Variants in ATP13A4 observed in about 807,000 individuals in gnomAD.
ATP13A4 encodes probable cation-transporting ATPase 13A4.
ATP13A4 carries 114 observed loss-of-function variants against 142.5 expected under a neutral mutation model. The observed-to-expected ratio is 0.80, with a 90% confidence interval of 0.69 to 0.93. The LOEUF (loss-of-function observed/expected upper bound fraction) is 0.93. Ranked by LOEUF, ATP13A4 falls within the 40% of genes least tolerant of loss-of-function variation. The pLI is 0.00. For missense variants in ATP13A4, 1,392 were observed against 1,454.0 expected, an observed-to-expected ratio of 0.96 and a Z score of 0.69; for synonymous variants, 488 against 514.8, an observed-to-expected ratio of 0.95 and a Z score of 0.70.
At chr3:193,425,118 C>T (rs1205941922) in intron 25 of ATP13A4, among the ~76,000 whole-genome samples, 1 of 136,252 alleles carries the variant, frequency 7.3e-6, no homozygotes, top group Non-Finnish European at 1.6e-5. Flanking sequence ...AAATGTTCAA[C>T]ATCATTAATA....
intron 1 of ATP13A4, among the ~76,000 whole-genome samples, chr3:193,552,561 A>G (rs1172148982): frequency 1.3e-5 from 2 of 152,212 alleles, no homozygotes; most frequent in Admixed American, 6.5e-5. Context: ...AACTCAAATT[A>G]TCTATAACAG....
At chr3:193,474,703 A>C (rs1217589832) in intron 8 of ATP13A4, among the ~76,000 whole-genome samples, 1 of 137,462 alleles carries the variant, frequency 7.3e-6, no homozygotes, top group East Asian at 2.1e-4. Flanking sequence ...AGAAAAAAGG[A>C]AGGAAGGAAA....
chr3:193,502,404 G>T, intron 3 of ATP13A4, 89 bp downstream of exon 3: 2 of 1,434,426 alleles, frequency 1.4e-6, no homozygotes, highest in Non-Finnish European at 2.0e-6. Flanking sequence ...ATGAGGATTG[G>T]CACAGTAGAG....
intron 2 of ATP13A4, chr3:193,581,576 C>T (rs933764714): frequency 3.9e-5 from 6 of 152,254 alleles, no homozygotes; most frequent in African/African-American, 1.4e-4. Context: ...TCTGAAGTCC[C>T]CCAAATTCCT....
At chr3:193,456,796 G>T (rs1480023919) in intron 16 of ATP13A4, among the ~76,000 whole-genome samples, 2 of 152,154 alleles carry the variant, frequency 1.3e-5, no homozygotes, top group Non-Finnish European at 2.9e-5. Flanking sequence ...GCGGGGGATG[G>T]TGGTACCGTG....
At chr3:193,585,097 G>T (rs1034849194) in intron 1 of ATP13A4, among the ~76,000 whole-genome samples, 1 of 152,060 alleles carries the variant, frequency 6.6e-6, no homozygotes, top group South Asian at 2.1e-4. Context: ...ACATAAATTC[G>T]CAAACTTTGT....
chr3:193,522,644 G>A (rs904700196), intron 1 of ATP13A4, among the ~76,000 whole-genome samples: 4 of 152,196 alleles, frequency 2.6e-5, no homozygotes, highest in Non-Finnish European at 5.9e-5. Context: ...GACAGTGCAT[G>A]AACACTTGTT....
intron 1 of ATP13A4, among the ~76,000 whole-genome samples, chr3:193,516,375 T>C (rs1395294469): frequency 6.6e-6 from 1 of 152,208 alleles, no homozygotes; most frequent in African/African-American, 2.4e-5. Context: ...AATGTTCTCA[T>C]TAACTCAGAA....
chr3:193,447,724 G>T (rs891891724), intron 18 of ATP13A4, among the ~76,000 whole-genome samples: 2 of 152,170 alleles, frequency 1.3e-5, no homozygotes, highest in African/African-American at 4.8e-5. Flanking sequence ...AGTTGGGATT[G>T]GGAGTAGAGA....
At chr3:193,442,634 A>C in intron 18 of ATP13A4, 78 bp from the exon 19 acceptor site, 2 of 1,396,706 alleles carry the variant, frequency 1.4e-6, no homozygotes, top group South Asian at 1.2e-5. Context: ...AAACCAGAGC[A>C]GGGAGTTCAG....
intron 2 of ATP13A4, among the ~76,000 whole-genome samples, chr3:193,505,672 G>C (rs1013517193): frequency 1.3e-5 from 2 of 152,124 alleles, no homozygotes; most frequent in Non-Finnish European, 2.9e-5. Context: ...GCTTAGAGTA[G>C]GGGAGTGACA....
intron 1 of ATP13A4, among the ~76,000 whole-genome samples, chr3:193,542,961 C>A (rs1208013878): frequency 6.6e-6 from 1 of 152,050 alleles, no homozygotes; most frequent in Non-Finnish European, 1.5e-5. Context: ...GTCAGGAGAT[C>A]GAGACCATCC....
chr3:193,422,612 A>C (rs937244278), intron 25 of ATP13A4, among the ~76,000 whole-genome samples: 9 of 149,804 alleles, frequency 6.0e-5, no homozygotes, highest in African/African-American at 2.2e-4. Context: ...GTAATTAAAC[A>C]AGGTGCTACT....
chr3:193,587,065 T>C (rs1451602223), intron 1 of ATP13A4, among the ~76,000 whole-genome samples: 2 of 152,234 alleles, frequency 1.3e-5, no homozygotes, highest in African/African-American at 4.8e-5. Flanking sequence ...AATTTATGGC[T>C]AATTATATTA....
At chr3:193,579,987 A>G (rs1457321806) in intron 2 of ATP13A4, among the ~76,000 whole-genome samples, 1 of 152,180 alleles carries the variant, frequency 6.6e-6, no homozygotes. Flanking sequence ...ATATCCTTCC[A>G]GTATTTCTTC....
intron 26 of ATP13A4, among the ~76,000 whole-genome samples, chr3:193,413,533 G>A (rs774124668): frequency 1.3e-5 from 2 of 152,178 alleles, no homozygotes; most frequent in Admixed American, 6.5e-5. Context: ...GTAGGGAAGA[G>A]ACCGTTGAAT....
intron 17 of ATP13A4, 67 bp downstream of exon 17, chr3:193,454,034 T>C: frequency 7.2e-7 from 1 of 1,387,086 alleles, no homozygotes; most frequent in South Asian, 1.2e-5. Flanking sequence ...TCTAATGCAC[T>C]TGACATTCCA....
intron 23 of ATP13A4, among the ~76,000 whole-genome samples, chr3:193,437,093 G>A (rs1465146317): frequency 8.0e-6 from 1 of 124,536 alleles, no homozygotes; most frequent in African/African-American, 3.9e-5. Context: ...GACAGAGTGA[G>A]ACTCCGTCTC....
At chr3:193,440,943 T>C (rs1032326014) in intron 20 of ATP13A4, among the ~76,000 whole-genome samples, 3 of 152,170 alleles carry the variant, frequency 2.0e-5, no homozygotes, top group African/African-American at 7.2e-5. Context: ...TTGAGCTTAA[T>C]GGAACCTTGA....
Sources: allele counts gnomAD v4.1 joint callset (sites outside exome capture counted in the v4.1 genomes callset), GRCh38; gene constraint gnomAD v4.1.1; transcripts MANE v1.5; gene names NCBI Gene and HGNC (gene_info 2026-07-23, HGNC 2026-07-21).